The following TMEM14A variants were observed in gnomAD, a reference collection of about 807,000 sequenced individuals.
TMEM14A encodes transmembrane protein 14A.
TMEM14A carries 8 observed loss-of-function variants against 11.6 expected under a neutral mutation model. That is an observed-to-expected ratio of 0.69 (90% CI 0.40 to 1.24). TMEM14A has a LOEUF of 1.24. Among genes scored for constraint, TMEM14A ranks in the 50% most tolerant of loss-of-function variants. TMEM14A has a pLI of 0.01. For synonymous variants in TMEM14A, 34 were observed against 45.5 expected, an observed-to-expected ratio of 0.75 and a Z score of 1.02; for missense variants, 108 against 121.9, an observed-to-expected ratio of 0.89 and a Z score of 0.54.
At chr6:52,681,960 G>C (rs201881771) in intron 3 of TMEM14A, 46 bp downstream of exon 3, 1 of 1,537,174 alleles carries the variant, frequency 6.5e-7, no homozygotes, top group East Asian at 2.2e-5. Flanking sequence ...AACATTGGAG[G>C]TGATCTTTTT....
intron 2 of TMEM14A, 127 bp from the exon 3 acceptor site, chr6:52,681,686 C>G (rs1769394149): frequency 1.3e-6 from 1 of 753,394 alleles, no homozygotes; most frequent in Admixed American, 2.6e-5. Flanking sequence ...CTTAATTTGG[C>G]TTTGTCCAGT....
At chr6:52,680,609 A>ATG (rs1172205384) in intron 2 of TMEM14A, among the ~76,000 whole-genome samples, 1 of 103,852 alleles carries the variant, frequency 9.6e-6, no homozygotes, top group Non-Finnish European at 1.9e-5. Context: ...ATATATATAT[A>ATG]TATGTATATA....
intron 1 of TMEM14A, among the ~76,000 whole-genome samples, chr6:52,675,866 A>C (rs1464610294): frequency 6.6e-6 from 1 of 152,236 alleles, no homozygotes; most frequent in Non-Finnish European, 1.5e-5. Flanking sequence ...AATTTAGAGG[A>C]GGAAGAAGGC....
intron 1 of TMEM14A, among the ~76,000 whole-genome samples, chr6:52,674,424 C>CT (rs1769217394): frequency 6.6e-6 from 1 of 152,130 alleles, no homozygotes; most frequent in Admixed American, 6.5e-5. Context: ...AGTCAGAGAT[C>CT]TTTGTTTTGC....
intron 1 of TMEM14A, among the ~76,000 whole-genome samples, chr6:52,673,070 T>C (rs1024533436): frequency 2.6e-5 from 4 of 152,204 alleles, no homozygotes; most frequent in African/African-American, 9.7e-5. Context: ...CATTAGGGCC[T>C]TGCACATGCG....
intron 1 of TMEM14A, among the ~76,000 whole-genome samples, chr6:52,672,254 A>T (rs555774927): frequency 1.3e-5 from 2 of 152,114 alleles, no homozygotes; most frequent in East Asian, 3.9e-4. Context: ...GTTTGCCCTC[A>T]AGGAGCTTGG....
intron 1 of TMEM14A, among the ~76,000 whole-genome samples, chr6:52,671,997 C>A (rs1769170617): frequency 6.6e-6 from 1 of 152,192 alleles, no homozygotes; most frequent in Admixed American, 6.5e-5. Context: ...AATCTTCTTG[C>A]AAGCATTGGG....
At chr6:52,673,975 T>C (rs953166684) in intron 1 of TMEM14A, among the ~76,000 whole-genome samples, 3 of 152,196 alleles carry the variant, frequency 2.0e-5, no homozygotes, top group African/African-American at 7.2e-5. Flanking sequence ...CAGCTAATAT[T>C]TGTTGAGTGC....
chr6:52,678,027 C>T (rs1490837830), intron 2 of TMEM14A, among the ~76,000 whole-genome samples: 2 of 151,586 alleles, frequency 1.3e-5, no homozygotes, highest in Non-Finnish European at 2.9e-5. Flanking sequence ...GATTTTTGTT[C>T]GTTGTTTCTG....
chr6:52,673,442 T>G (rs978297985), intron 1 of TMEM14A, among the ~76,000 whole-genome samples: 7 of 145,272 alleles, frequency 4.8e-5, no homozygotes, highest in Non-Finnish European at 7.6e-5. Context: ...AAGCGGTTGT[T>G]TTCCTGCCCA....
intron 3 of TMEM14A, 62 bp downstream of exon 3, chr6:52,681,976 C>A: frequency 7.1e-7 from 1 of 1,403,436 alleles, no homozygotes; most frequent in Non-Finnish European, 1.0e-6. Flanking sequence ...TTTTTGATAC[C>A]CTATGCTAGA....
At position 52,686,248 on chromosome 6, in the gene TMEM14A, A is replaced by G. The variant is rs949693848; in HGVS notation, c.*199A>G. On this transcript the variant is annotated 3_prime_UTR_variant, in exon 5 of 5. Coordinates refer to ENST00000211314, the MANE Select transcript of TMEM14A (RefSeq NM_014051.4). ...AACTGTTTTCTAATTGTCAAGCACT[A>G]TTTTCATTAAAAGTGTCTAATGAAT... is the stretch of plus-strand genomic sequence containing the variant. 15 of 457,664 alleles carry G rather than the reference A, an allele frequency of 3.3e-5. No individual in the cohort carries two copies. The highest frequency in any genetic ancestry group is 4.6e-5 in the Non-Finnish European group (12 of 260,476). The allele number at this position is 457,664 out of a possible 1,614,324, so 28.4% of individuals were successfully genotyped here.
rs1491306079 is a variant in TMEM14A, at chr6:52,680,692, T to TGTATATATATATACAC, written c.71-1121_71-1120insGTATATATATATACAC. Among the ~76,000 whole-genome samples the TGTATATATATATACAC allele has an allele frequency of 2.9e-3, 147 of 50,292 alleles. 15 individuals carry two copies. Among genetic ancestry groups the TGTATATATATATACAC allele is most frequent in the African/African-American group, 8.6e-3 (142 of 16,606 alleles). The allele number at this position is 50,292 out of a possible 152,430, so 33.0% of individuals were successfully genotyped here. ...GTGTATATATATATATACATATATG[T>TGTATATATATATACAC]ATATATATATATACACATATATATA... On this transcript the variant is annotated intron_variant, in intron 2 of 4. Coordinates refer to ENST00000211314, the MANE Select transcript of TMEM14A (RefSeq NM_014051.4).
intron 3 of TMEM14A, among the ~76,000 whole-genome samples, chr6:52,682,254 G>T (rs1769404488): frequency 6.6e-6 from 1 of 152,186 alleles, no homozygotes; most frequent in Non-Finnish European, 1.5e-5. Flanking sequence ...CTAAAAAAGA[G>T]ACAGCCTTGC....
intron 2 of TMEM14A, among the ~76,000 whole-genome samples, chr6:52,677,590 T>C (rs1769282496): frequency 6.6e-6 from 1 of 151,600 alleles, no homozygotes; most frequent in South Asian, 2.1e-4. Flanking sequence ...AAGTTGTCTC[T>C]TCACCTTTGT....
At chr6:52,683,012 A>T (rs1457182883) in intron 3 of TMEM14A, among the ~76,000 whole-genome samples, 3 of 152,136 alleles carry the variant, frequency 2.0e-5, no homozygotes, top group Admixed American at 2.0e-4. Context: ...CTTGTAAAAG[A>T]TACATTAACT....
At chr6:52,671,509 GT>G in intron 1 of TMEM14A, among the ~76,000 whole-genome samples, 1 of 152,138 alleles carries the variant, frequency 6.6e-6, no homozygotes, top group East Asian at 1.9e-4. Flanking sequence ...TGGATCTGGG[GT>G]GGTGGGGTGG....
rs1379770193 is a variant in TMEM14A at position 52,686,139 on chromosome 6, A to G, written c.*90A>G. On this transcript the variant is annotated 3_prime_UTR_variant, in exon 5 of 5. Coordinates refer to ENST00000211314, the MANE Select transcript of TMEM14A (RefSeq NM_014051.4). The stretch of plus-strand genomic sequence containing the variant: ...TTGTATTTAAAAGATAAACTTCAAT[A>G]TGGAATGCTAGAAACACAAATAGCA... 1.3e-5 allele frequency: 17 copies of G among 1,284,398 alleles called. No individual in the cohort carries two copies. The highest frequency in any genetic ancestry group is 5.9e-5 in the South Asian group (4 of 67,758). The allele number at this position is 1,284,398 out of a possible 1,614,324, so 79.6% of individuals were successfully genotyped here.
chr6:52,674,679 G>C (rs1333705481), intron 1 of TMEM14A, among the ~76,000 whole-genome samples: 1 of 152,008 alleles, frequency 6.6e-6, no homozygotes, highest in Admixed American at 6.6e-5. Context: ...TTGGACCCAG[G>C]TTCTCCCTAC....
Sources: allele counts gnomAD v4.1 joint callset (sites outside exome capture counted in the v4.1 genomes callset), GRCh38; gene constraint gnomAD v4.1.1; transcripts MANE v1.5; gene names NCBI Gene and HGNC (gene_info 2026-07-23, HGNC 2026-07-21).